Variants in KIF26B observed in about 807,000 individuals in gnomAD.
KIF26B encodes kinesin family member 26B.
A neutral mutation model predicts 151.2 loss-of-function variants in KIF26B; 63 were observed. That is an observed-to-expected ratio of 0.42 (90% CI 0.34 to 0.51). KIF26B has a LOEUF of 0.51. KIF26B is among the 20% of genes least tolerant of loss of function. KIF26B has a pLI of 0.07. For synonymous variants in KIF26B, 1,357 were observed against 1,262.1 expected (o/e 1.08, Z -1.59); for missense variants, 2,813 against 2,913.6 (o/e 0.97, Z 0.79).
At chr1:245,440,138 G>A (rs1023046365) in intron 4 of KIF26B, among the ~76,000 whole-genome samples, 7 of 152,100 alleles carry the variant, frequency 4.6e-5, no homozygotes, top group African/African-American at 1.4e-4. Context: ...GGAGAATGGC[G>A]TGAACCTGGG....
chr1:245,401,227 A>G (rs1279055764), intron 3 of KIF26B, among the ~76,000 whole-genome samples: 3 of 152,362 alleles, frequency 2.0e-5, no homozygotes, highest in Non-Finnish European at 2.9e-5. Flanking sequence ...AAGAGGTGTG[A>G]AAATTATCCA....
chr1:245,643,904 T>C (rs1203300745), intron 9 of KIF26B, among the ~76,000 whole-genome samples: 1 of 152,198 alleles, frequency 6.6e-6, no homozygotes, highest in Non-Finnish European at 1.5e-5. Context: ...CTTTTTTCTC[T>C]CTGGCTCTTT....
chr1:245,383,430 C>T (rs1673464904), intron 3 of KIF26B, among the ~76,000 whole-genome samples: 1 of 152,172 alleles, frequency 6.6e-6, no homozygotes, highest in African/African-American at 2.4e-5. Flanking sequence ...AGATTCATTC[C>T]CAGCCTACTT....
Position 245,611,921 on chromosome 1 carries a change from G to A in KIF26B, c.2043G>A (p.Val681=), listed in dbSNP as rs778304759. ...AGGACGACCACCGCAACTCACACGT[G>A]TTCTTCACACTGCACATCTACCAGT... ...CDEDDHRNSH[V]FFTLHIYQYR... Residue 681 remains valine, a synonymous_variant, in exon 9 of 15, where the codon GTG becomes GTA. Coordinates refer to ENST00000407071, the MANE Select transcript of KIF26B (RefSeq NM_018012.4). The A allele has an allele frequency of 1.2e-6, 2 of 1,613,888 alleles. No homozygotes were observed. The highest frequency in any genetic ancestry group is 1.7e-5 in the Admixed American group (1 of 60,020).
At chr1:245,382,554 T>TG (rs77670953) in intron 3 of KIF26B, among the ~76,000 whole-genome samples, 14,758 of 149,834 alleles carry the variant, frequency 0.098, 876 homozygotes, top group East Asian at 0.31. Flanking sequence ...TGTGTGTGTG[T>TG]TTTGTTTCTT....
Position 245,557,214 on chromosome 1 carries a change from A to G in KIF26B, c.1350+16264A>G, listed in dbSNP as rs1459164411. Among the ~76,000 whole-genome samples, 3 of 152,230 alleles carry G rather than the reference A, an allele frequency of 2.0e-5. 1 individual carries two copies. In the South Asian group the frequency reaches 6.2e-4, roughly 32 times the overall value. ...TCCAAATAAGTTGGATAATATCAGCAGTTGGTATTCATATAGGTTGACCTT... is the reference window on the plus strand; with the variant it reads ...TCCAAATAAGTTGGATAATATCAGCGGTTGGTATTCATATAGGTTGACCTT... On this transcript the variant is annotated intron_variant, in intron 5 of 14. Coordinates refer to ENST00000407071, the MANE Select transcript of KIF26B (RefSeq NM_018012.4).
intron 2 of KIF26B, among the ~76,000 whole-genome samples, chr1:245,359,428 C>T (rs986845236): frequency 3.9e-5 from 6 of 152,274 alleles, no homozygotes; most frequent in South Asian, 4.2e-4. Context: ...AAAGCCCCTA[C>T]GAAGCATTAG....
intron 2 of KIF26B, among the ~76,000 whole-genome samples, chr1:245,299,391 T>A (rs1180155582): frequency 6.6e-6 from 1 of 151,406 alleles, no homozygotes; most frequent in Non-Finnish European, 1.5e-5. Flanking sequence ...AAAGGATAAT[T>A]TCTGATGTCG....
In KIF26B at chr1:245,703,956, A is replaced by C. The variant is rs2044807704; in HGVS notation, c.*1350A>C. On this transcript the variant is annotated 3_prime_UTR_variant, in exon 15 of 15. Coordinates refer to ENST00000407071, the MANE Select transcript of KIF26B (RefSeq NM_018012.4). ...CTGGATAGGCAGAACATAGCTGAAG[A>C]CTATGGATGTCCAGGTCTTGGCTCC... 6.6e-6 allele frequency: 1 copy of C among 152,232 alleles called. No homozygotes were observed. The highest frequency in any genetic ancestry group is 2.4e-5 in the African/African-American group (1 of 41,458). The allele number at this position is 152,232 out of a possible 1,614,324, so 9.4% of individuals were successfully genotyped here. A position where few individuals can be genotyped will look rare whatever the true frequency, so the allele number is the denominator to read the frequency against.
intron 5 of KIF26B, among the ~76,000 whole-genome samples, chr1:245,600,689 G>C (rs2043386845): frequency 6.6e-6 from 1 of 152,040 alleles, no homozygotes; most frequent in South Asian, 2.1e-4. Flanking sequence ...GGTAAGGCTT[G>C]AGGCTGGGCG....
chr1:245,203,078 C>T (rs575502769), intron 2 of KIF26B, among the ~76,000 whole-genome samples: 36 of 151,164 alleles, frequency 2.4e-4, no homozygotes, highest in African/African-American at 8.3e-4. Flanking sequence ...CATTTTTAGT[C>T]TCTACTAAAA....
chr1:245,173,174 T>G (rs1363378985), intron 2 of KIF26B, among the ~76,000 whole-genome samples: 3 of 152,184 alleles, frequency 2.0e-5, no homozygotes, highest in Non-Finnish European at 4.4e-5. Context: ...ATGATTCTGG[T>G]GATATGAGAT....
chr1:245,287,213 G>A (rs1455519425), intron 2 of KIF26B, among the ~76,000 whole-genome samples: 1 of 151,944 alleles, frequency 6.6e-6, no homozygotes, highest in African/African-American at 2.4e-5. Context: ...TTTCCATTGT[G>A]GTGATCAGTA....
Position 245,606,088 on chromosome 1 carries a change from G to A in KIF26B, c.1558-1563G>A, listed in dbSNP as rs1046982400. Among the ~76,000 whole-genome samples, 1 of 152,106 alleles carries A rather than the reference G, an allele frequency of 6.6e-6. No homozygotes were observed. The highest frequency in any genetic ancestry group is 1.5e-5 in the Non-Finnish European group (1 of 68,044). On this transcript the variant is annotated intron_variant, in intron 6 of 14. Transcript: ENST00000407071. The surrounding 1 kb of genome is among the most constrained non-coding windows in gnomAD (Gnocchi z 4.6). ...CAAGACGCTACTGCTTCTGTCTCAG[G>A]GTTAGCACTGGGCTCTCCTTGCCTA...
At chr1:245,466,178 G>C (rs1014006467) in intron 4 of KIF26B, among the ~76,000 whole-genome samples, 27 of 93,698 alleles carry the variant, frequency 2.9e-4, no homozygotes, top group African/African-American at 1.2e-3. Flanking sequence ...GATTTAGATC[G>C]ATGGGAATGT....
intron 4 of KIF26B, among the ~76,000 whole-genome samples, chr1:245,443,190 G>A (rs1274466064): frequency 6.9e-6 from 1 of 144,824 alleles, no homozygotes; most frequent in Non-Finnish European, 1.5e-5. Flanking sequence ...CTCCCTCACT[G>A]TTCACCTAGA....
intron 2 of KIF26B, among the ~76,000 whole-genome samples, chr1:245,197,356 GC>G (rs1669213776): frequency 6.6e-6 from 1 of 152,166 alleles, no homozygotes; most frequent in Admixed American, 6.5e-5. Flanking sequence ...GGATTAATCA[GC>G]CAGGAAGATC....
intron 4 of KIF26B, among the ~76,000 whole-genome samples, chr1:245,456,847 T>C (rs1034904898): frequency 2.0e-5 from 3 of 152,178 alleles, no homozygotes; most frequent in African/African-American, 7.2e-5. Flanking sequence ...TTTTCATTTT[T>C]TATTTTTATT....
At chr1:245,485,075 A>G (rs540877599) in intron 4 of KIF26B, among the ~76,000 whole-genome samples, 1 of 152,340 alleles carries the variant, frequency 6.6e-6, no homozygotes, top group South Asian at 2.1e-4. Context: ...ATGCTACAAC[A>G]TGGATGAACC....
Sources: gnomAD v4.1 joint callset for allele counts (sites outside exome capture counted in the v4.1 genomes callset) on GRCh38, gnomAD v4.1.1 for gene constraint, Gnocchi (gnomAD v3.1) non-coding constraint, MANE v1.5 for transcripts, NCBI Gene and HGNC (gene_info 2026-07-23, HGNC 2026-07-21) for gene names.